KCNQ5: variants seen among roughly 807,000 people sequenced by gnomAD.
KCNQ5 encodes potassium voltage-gated channel subfamily KQT member 5.
Under a neutral mutation model 98.2 loss-of-function variants are expected in KCNQ5, and 30 were observed. The observed-to-expected ratio is 0.31, with a 90% CI of 0.23 to 0.41. KCNQ5 has a LOEUF of 0.41. Among genes scored for constraint, KCNQ5 ranks in the 10% least tolerant of loss-of-function variants. The pLI, the probability that KCNQ5 is intolerant of heterozygous loss-of-function variation, is 1.00. For synonymous variants in KCNQ5, 458 were observed against 449.4 expected, an observed-to-expected ratio of 1.02 and a Z score of -0.24; for missense variants, 835 against 1,182.5, an observed-to-expected ratio of 0.71 and a Z score of 4.31.
At position 72,987,696 on chromosome 6, in the gene KCNQ5, C is replaced by G. The variant is rs182021431; in HGVS notation, c.399-16212C>G. On this transcript the variant is annotated intron_variant, in intron 1 of 13. Transcript: ENST00000370398. ...GTCTCTGCTTCTCCACCGCCCCCAA[C>G]AAGATCTTTTATATTCATAGGAACG... 8.2e-5 allele frequency: 48 copies of G among 584,126 alleles called. No homozygotes were observed. The East Asian group carries it at 2.0e-3, about 25-fold the overall frequency. 36.2% of individuals were successfully genotyped at this position (584,126 alleles called of 1,614,324 possible). A position where few individuals can be genotyped will look rare whatever the true frequency, so the allele number is the denominator to read the frequency against.
intron 1 of KCNQ5, among the ~76,000 whole-genome samples, chr6:72,837,543 T>C (rs1309014556): frequency 6.6e-6 from 1 of 152,176 alleles, no homozygotes; most frequent in African/African-American, 2.4e-5. Context: ...GGAGAAAATA[T>C]ACATGGTAAT....
chr6:72,813,237 T>C (rs528271860), intron 1 of KCNQ5, among the ~76,000 whole-genome samples: 1 of 152,314 alleles, frequency 6.6e-6, no homozygotes, highest in Non-Finnish European at 1.5e-5. Context: ...AAATATCTTT[T>C]TTTCAGGGGC....
chr6:73,065,026 G>T (rs1422120869), intron 3 of KCNQ5, among the ~76,000 whole-genome samples: 1 of 143,118 alleles, frequency 7.0e-6, no homozygotes, highest in Non-Finnish European at 1.5e-5. Context: ...TACTGATATT[G>T]CAAGGGATTC....
intron 1 of KCNQ5, among the ~76,000 whole-genome samples, chr6:72,781,742 GA>G (rs1314953752): frequency 6.6e-6 from 1 of 152,130 alleles, no homozygotes; most frequent in Admixed American, 6.5e-5. Context: ...TTCTATGCTT[GA>G]AAAAAAGTAT....
At chr6:72,744,278 T>C (rs550718986) in intron 1 of KCNQ5, among the ~76,000 whole-genome samples, 123 of 152,296 alleles carry the variant, frequency 8.1e-4, no homozygotes, top group Non-Finnish European at 1.5e-3. Context: ...AACTGCAATC[T>C]ATTTATCCTG....
chr6:72,626,517 T>A (rs2098918054), intron 1 of KCNQ5, among the ~76,000 whole-genome samples: 1 of 152,208 alleles, frequency 6.6e-6, no homozygotes, highest in Admixed American at 6.5e-5. Flanking sequence ...AATCTTGTAT[T>A]TATCCTGTAG....
At chr6:72,691,934 T>G (rs1055831956) in intron 1 of KCNQ5, among the ~76,000 whole-genome samples, 2 of 152,236 alleles carry the variant, frequency 1.3e-5, no homozygotes, top group Admixed American at 1.3e-4. Flanking sequence ...GGACAACTTG[T>G]AGTGTGCAGG....
chr6:72,775,654 A>G (rs1281732672), intron 1 of KCNQ5, among the ~76,000 whole-genome samples: 1 of 152,176 alleles, frequency 6.6e-6, no homozygotes, highest in South Asian at 2.1e-4. Flanking sequence ...ATCATCACTC[A>G]TAAGTCATTT....
intron 3 of KCNQ5, among the ~76,000 whole-genome samples, chr6:73,058,244 C>G (rs4401620): frequency 0.68 from 103,327 of 151,994 alleles, 39,991 homozygotes; most frequent in Non-Finnish European, 0.88. Context: ...AACGCCATCT[C>G]TACTAAAATT....
intron 10 of KCNQ5, among the ~76,000 whole-genome samples, chr6:73,139,232 T>C (rs183953022): frequency 6.6e-6 from 1 of 152,312 alleles, no homozygotes; most frequent in Admixed American, 6.5e-5. Flanking sequence ...TCACATCTTA[T>C]TTTGCAGAAT....
chr6:72,652,262 G>A (rs1056137947), intron 1 of KCNQ5, among the ~76,000 whole-genome samples: 6 of 150,814 alleles, frequency 4.0e-5, no homozygotes, highest in African/African-American at 1.5e-4. Context: ...AAAAAAGTGA[G>A]AGAAAGAGGC....
chr6:72,945,674 C>G (rs1295840358), intron 1 of KCNQ5, among the ~76,000 whole-genome samples: 8 of 151,932 alleles, frequency 5.3e-5, no homozygotes, highest in African/African-American at 1.9e-4. Context: ...AGGCTGGTCT[C>G]GAACTTCTGG....
chr6:72,749,070 C>T (rs1771550425), intron 1 of KCNQ5, among the ~76,000 whole-genome samples: 1 of 152,122 alleles, frequency 6.6e-6, no homozygotes, highest in South Asian at 2.1e-4. Context: ...GGATTCTGAA[C>T]AAACTCTAAA....
At chr6:72,857,632 G>GT (rs1777588542) in intron 1 of KCNQ5, among the ~76,000 whole-genome samples, 2 of 152,104 alleles carry the variant, frequency 1.3e-5, no homozygotes, top group South Asian at 2.1e-4. Context: ...AATAATTTGT[G>GT]TTTTTTGCAT....
intron 1 of KCNQ5, among the ~76,000 whole-genome samples, chr6:72,788,305 A>G (rs1773864426): frequency 6.6e-6 from 1 of 152,236 alleles, no homozygotes; most frequent in Non-Finnish European, 1.5e-5. Context: ...TTCCCTGGAA[A>G]GCCCCATGGG....
intron 1 of KCNQ5, among the ~76,000 whole-genome samples, chr6:72,828,559 T>C (rs537850844): frequency 6.6e-6 from 1 of 152,312 alleles, no homozygotes; most frequent in East Asian, 1.9e-4. Flanking sequence ...CTCATTTTTG[T>C]ATATTAATTC....
At chr6:72,838,440 A>T (rs1722949055) in intron 1 of KCNQ5, among the ~76,000 whole-genome samples, 1 of 152,098 alleles carries the variant, frequency 6.6e-6, no homozygotes, top group African/African-American at 2.4e-5. Context: ...AACATAACTT[A>T]AAAACATAGC....
intron 1 of KCNQ5, among the ~76,000 whole-genome samples, chr6:72,707,910 C>G (rs144871979): frequency 9.9e-5 from 15 of 152,260 alleles, no homozygotes; most frequent in African/African-American, 3.1e-4. Context: ...ATCTCGAACT[C>G]CTGGCTTCAA....
At chr6:73,047,803 T>C (rs879613502) in intron 3 of KCNQ5, among the ~76,000 whole-genome samples, 9 of 152,196 alleles carry the variant, frequency 5.9e-5, no homozygotes, top group Non-Finnish European at 1.2e-4. Flanking sequence ...TAGAATCTCC[T>C]GTGCCCTTAG....
Sources: gnomAD v4.1 joint callset for allele counts (sites outside exome capture counted in the v4.1 genomes callset) on GRCh38, gnomAD v4.1.1 for gene constraint, MANE v1.5 for transcripts, NCBI Gene and HGNC (gene_info 2026-07-23, HGNC 2026-07-21) for gene names.